MTA3: variants seen among roughly 807,000 people sequenced by gnomAD.
MTA3 encodes metastasis-associated protein MTA3.
In MTA3, 34 loss-of-function variants were observed where a neutral mutation model predicts 83.5. The ratio of observed to expected loss-of-function variants is 0.41; its 90% CI spans 0.31 to 0.54. The LOEUF is 0.54. Ranked by LOEUF, MTA3 falls within the 20% of genes least tolerant of loss-of-function variation. The pLI, the probability that MTA3 is intolerant of heterozygous loss-of-function variation, is 0.33. For synonymous variants in MTA3, 303 were observed against 252.7 expected (o/e 1.20, Z -1.89); for missense variants, 761 against 726.4 (o/e 1.05, Z -0.55).
intron 2 of MTA3, among the ~76,000 whole-genome samples, chr2:42,537,299 C>T (rs1224157333): frequency 1.3e-5 from 2 of 152,186 alleles, no homozygotes; most frequent in African/African-American, 4.8e-5. Flanking sequence ...TGCAGTGGCT[C>T]ACACCTGTAA....
intron 4 of MTA3, among the ~76,000 whole-genome samples, chr2:42,618,313 C>T (rs1685150096): frequency 6.6e-6 from 1 of 152,070 alleles, no homozygotes; most frequent in Admixed American, 6.6e-5. Context: ...TGAGAACAGA[C>T]CTTTTTCTAA....
chr2:42,558,502 G>A (rs962602773), intron 2 of MTA3, among the ~76,000 whole-genome samples: 6 of 151,308 alleles, frequency 4.0e-5, no homozygotes, highest in East Asian at 3.9e-4. Context: ...TGCCCACCTC[G>A]GCCTCCCAAA....
At chr2:42,695,634 C>CAAAAAAAAA (rs70963347) in intron 9 of MTA3, 131 bp from the exon 10 acceptor site, 44 of 130,776 alleles carry the variant, frequency 3.4e-4, no homozygotes, top group South Asian at 5.9e-4. Flanking sequence ...CAGTCTATCT[C>CAAAAAAAAA]AAAAAAAAAA....
intron 6 of MTA3, among the ~76,000 whole-genome samples, chr2:42,655,205 AG>A (rs1157767552): frequency 3.3e-5 from 5 of 152,194 alleles, no homozygotes; most frequent in African/African-American, 1.2e-4. Context: ...AGAAAAATCA[AG>A]GGCTTCTCAT....
intron 2 of MTA3, among the ~76,000 whole-genome samples, chr2:42,552,448 G>A (rs1296695090): frequency 6.6e-6 from 1 of 152,042 alleles, no homozygotes; most frequent in Non-Finnish European, 1.5e-5. Flanking sequence ...TATTGAAAAG[G>A]CTTTTTAAAA....
Position 42,655,056 on chromosome 2 carries a change from C to G in MTA3, c.500-1144C>G, listed in dbSNP as rs540535127. Among the ~76,000 whole-genome samples, 5 of 152,320 alleles carry G rather than the reference C, an allele frequency of 3.3e-5. No homozygotes were observed. In the East Asian group the frequency reaches 7.7e-4, roughly 24 times the overall value. On this transcript the variant is annotated intron_variant, in intron 6 of 16. Coordinates refer to ENST00000405094, the MANE Select transcript of MTA3 (RefSeq NM_001330442.2). ...CAATCTCATAACCATGTTTCAGCCC[C>G]TCATTACTTGTGAAGGAACTCTTAA...
intron 2 of MTA3, among the ~76,000 whole-genome samples, chr2:42,533,704 C>T (rs1297374354): frequency 6.7e-6 from 1 of 149,388 alleles, no homozygotes; most frequent in African/African-American, 2.4e-5. Context: ...TAGTGGCGGG[C>T]GCCTGTAGTC....
intron 2 of MTA3, among the ~76,000 whole-genome samples, chr2:42,523,883 C>A (rs1675543787): frequency 6.6e-6 from 1 of 152,068 alleles, no homozygotes; most frequent in African/African-American, 2.4e-5. Context: ...CACCATTGCA[C>A]TCCAACCTGG....
At chr2:42,519,437 C>A (rs959667415) in intron 2 of MTA3, among the ~76,000 whole-genome samples, 1 of 151,772 alleles carries the variant, frequency 6.6e-6, no homozygotes, top group Non-Finnish European at 1.5e-5. Context: ...GAAACCCCCT[C>A]TCTACCAAAA....
chr2:42,553,820 G>A (rs1677240732), intron 2 of MTA3, among the ~76,000 whole-genome samples: 1 of 137,478 alleles, frequency 7.3e-6, no homozygotes. Context: ...GAAATGAGCT[G>A]AGATTGTGCC....
upstream of MTA3, among the ~76,000 whole-genome samples, chr2:42,567,374 T>C (rs1340422379): frequency 1.3e-5 from 2 of 152,182 alleles, no homozygotes; most frequent in South Asian, 2.1e-4. Context: ...TCTCAATACT[T>C]TGTGATAAGT....
At chr2:42,565,135 G>A (rs984266519), upstream of MTA3, among the ~76,000 whole-genome samples, 1 of 151,870 alleles carries the variant, frequency 6.6e-6, no homozygotes, top group Admixed American at 6.6e-5. Flanking sequence ...CCTACGTTGA[G>A]ACAAAAACCA....
intron 14 of MTA3, among the ~76,000 whole-genome samples, chr2:42,714,370 A>G (rs1011107601): frequency 1.3e-5 from 2 of 152,012 alleles, no homozygotes; most frequent in Non-Finnish European, 2.9e-5. Flanking sequence ...TTAAAAAAAG[A>G]CATATTAATA....
chr2:42,571,379 ACT>A (rs1304475892), intron 2 of MTA3, among the ~76,000 whole-genome samples: 1 of 118,772 alleles, frequency 8.4e-6, no homozygotes, highest in Non-Finnish European at 1.7e-5. Context: ...AGAGCAAAAC[ACT>A]GTCTCAAAAA....
chr2:42,651,960 G>T (rs949950041), intron 6 of MTA3, among the ~76,000 whole-genome samples: 26 of 152,110 alleles, frequency 1.7e-4, no homozygotes, highest in Admixed American at 1.4e-3. Context: ...GCTGGTCATG[G>T]TGGTGGGCAC....
In MTA3 at chr2:42,707,976, T is replaced by C. The variant is rs1199883812; in HGVS notation, c.1224T>C (p.Leu408=). 2 of 1,613,442 alleles carry C rather than the reference T, an allele frequency of 1.2e-6. No homozygotes were observed. The highest frequency in any genetic ancestry group is 1.3e-5 in the African/African-American group (1 of 74,920). The change falls in exon 13 of 17, where the codon CTT becomes CTC. Residue 408 remains leucine, a synonymous_variant. Transcript: ENST00000405094. ...GTAGATTATGTGCAATTTGTTGGCT[T>C]TATTGGAAAAAATATGGAGGCTTGA... ...MQCRLCAICW[L]YWKKYGGLKM... is the part of the protein sequence containing the mutation.
chr2:42,687,852 A>T (rs952080052), intron 9 of MTA3, among the ~76,000 whole-genome samples: 1 of 152,158 alleles, frequency 6.6e-6, no homozygotes, highest in African/African-American at 2.4e-5. Flanking sequence ...CAGTTGCTCT[A>T]TTTTCCCTAG....
At chr2:42,586,477 A>ACAC in intron 3 of MTA3, among the ~76,000 whole-genome samples, 1 of 72,714 alleles carries the variant, frequency 1.4e-5, no homozygotes, top group South Asian at 6.2e-4. Flanking sequence ...AAGGAAGGAA[A>ACAC]ACACACACAC....
chr2:42,544,317 G>T (rs560600209), intron 2 of MTA3, among the ~76,000 whole-genome samples: 1 of 151,722 alleles, frequency 6.6e-6, no homozygotes, highest in Non-Finnish European at 1.5e-5. Context: ...ATGGTGGCAC[G>T]TGCCTATAGT....
Sources: gnomAD v4.1 joint callset for allele counts (sites outside exome capture counted in the v4.1 genomes callset) on GRCh38, gnomAD v4.1.1 for gene constraint, MANE v1.5 for transcripts, NCBI Gene and HGNC (gene_info 2026-07-23, HGNC 2026-07-21) for gene names.